GRIN2A: variants seen among roughly 807,000 people sequenced by gnomAD.
The protein encoded by GRIN2A is glutamate receptor ionotropic, NMDA 2A.
A neutral mutation model predicts 113.4 loss-of-function variants in GRIN2A; 22 were observed. That is an observed-to-expected ratio of 0.19 (90% CI 0.14 to 0.28). The LOEUF is 0.28. Ranked by LOEUF, GRIN2A falls within the 10% of genes least tolerant of loss-of-function variation. The pLI, the probability that GRIN2A is intolerant of heterozygous loss-of-function variation, is 1.00. For missense variants in GRIN2A, 1,502 were observed against 1,887.0 expected (o/e 0.80, Z 3.78); for synonymous variants, 827 against 738.4 (o/e 1.12, Z -1.94).
chr16:10,073,398 C>T (rs61224814), intron 2 of GRIN2A, among the ~76,000 whole-genome samples: 21,332 of 152,022 alleles, frequency 0.14, 2,018 homozygotes, highest in African/African-American at 0.27. Context: ...GCTGATATCA[C>T]GCAGGGTTGG....
At chr16:10,001,314 T>C (rs981041951) in intron 2 of GRIN2A, among the ~76,000 whole-genome samples, 1 of 152,204 alleles carries the variant, frequency 6.6e-6, no homozygotes, top group African/African-American at 2.4e-5. Context: ...ATCTACTACC[T>C]GGGTGCATCT....
At chr16:9,927,817 C>A (rs2044498429) in intron 3 of GRIN2A, among the ~76,000 whole-genome samples, 1 of 152,196 alleles carries the variant, frequency 6.6e-6, no homozygotes, top group African/African-American at 2.4e-5. Flanking sequence ...ATTGTTTAAA[C>A]TTCCTCTTAT....
intron 2 of GRIN2A, among the ~76,000 whole-genome samples, chr16:10,159,203 A>G (rs1229345080): frequency 2.0e-5 from 3 of 152,156 alleles, no homozygotes; most frequent in African/African-American, 7.2e-5. Flanking sequence ...AGGGAGCTCA[A>G]TATACATCCG....
intron 3 of GRIN2A, among the ~76,000 whole-genome samples, chr16:9,910,945 T>A (rs1213752204): frequency 6.6e-6 from 1 of 151,862 alleles, no homozygotes; most frequent in Non-Finnish European, 1.5e-5. Flanking sequence ...AGTAAAGACC[T>A]CAGTACCTCT....
chr16:9,980,785 C>T (rs1417602515), intron 2 of GRIN2A, among the ~76,000 whole-genome samples: 3 of 132,596 alleles, frequency 2.3e-5, no homozygotes, highest in Non-Finnish European at 3.0e-5. Context: ...GGGAACTGAA[C>T]AATGAGAACA....
chr16:10,125,195 C>G lies in GRIN2A; in HGVS notation c.414+54803G>C, dbSNP rs1371724793. On this transcript the variant is annotated intron_variant, in intron 2 of 12. Transcript: ENST00000330684. Reference sequence around the variant, plus strand: ...AATCAAGTCCCACAATGTCCTGAAACTATGGAGTCAGAACTTGACCTCTTG... The same window carrying G: ...AATCAAGTCCCACAATGTCCTGAAAGTATGGAGTCAGAACTTGACCTCTTG... Among the ~76,000 whole-genome samples the G allele has an allele frequency of 3.3e-5, 5 of 152,228 alleles. No homozygotes were observed. The East Asian group carries it at 9.6e-4, about 29-fold the overall frequency.
At chr16:9,982,101 CTT>C (rs1354757904) in intron 2 of GRIN2A, among the ~76,000 whole-genome samples, 1 of 152,096 alleles carries the variant, frequency 6.6e-6, no homozygotes, top group Admixed American at 6.6e-5. Context: ...TAATATGACT[CTT>C]GAGACTCTTT....
chr16:10,106,715 T>C (rs922214528), intron 2 of GRIN2A, among the ~76,000 whole-genome samples: 1 of 152,110 alleles, frequency 6.6e-6, no homozygotes, highest in South Asian at 2.1e-4. Flanking sequence ...CCACGGACTT[T>C]GGGGAAGTTG....
chr16:9,971,190 A>G (rs1457102711), intron 2 of GRIN2A, among the ~76,000 whole-genome samples: 1 of 152,222 alleles, frequency 6.6e-6, no homozygotes, highest in African/African-American at 2.4e-5. Context: ...CTCCTCTTGA[A>G]TCTGACCAGC....
At chr16:9,781,483 C>A (rs1901932715) in intron 11 of GRIN2A, among the ~76,000 whole-genome samples, 1 of 152,148 alleles carries the variant, frequency 6.6e-6, no homozygotes, top group African/African-American at 2.4e-5. Context: ...ACCTCAGCTT[C>A]CAAAGTAGCT....
intron 11 of GRIN2A, among the ~76,000 whole-genome samples, chr16:9,785,225 G>A (rs1902164558): frequency 6.6e-6 from 1 of 152,078 alleles, no homozygotes. Context: ...TTAAGAAAAT[G>A]TGGCACATAT....
At chr16:10,157,449 C>T (rs1317894191) in intron 2 of GRIN2A, among the ~76,000 whole-genome samples, 1 of 152,172 alleles carries the variant, frequency 6.6e-6, no homozygotes, top group Non-Finnish European at 1.5e-5. Context: ...AGTCCATTCT[C>T]ACACTGCTAT....
intron 2 of GRIN2A, among the ~76,000 whole-genome samples, chr16:10,107,949 G>C (rs1320778192): frequency 2.6e-5 from 4 of 152,162 alleles, no homozygotes; most frequent in African/African-American, 9.7e-5. Flanking sequence ...TGAAGTTCTG[G>C]GAAAGTACAG....
intron 2 of GRIN2A, among the ~76,000 whole-genome samples, chr16:9,957,828 A>C (rs1316547190): frequency 6.6e-6 from 1 of 152,140 alleles, no homozygotes; most frequent in Non-Finnish European, 1.5e-5. Context: ...TCTTCTATAG[A>C]CTTGGGCAGG....
intron 2 of GRIN2A, among the ~76,000 whole-genome samples, chr16:10,167,878 T>C (rs1243732669): frequency 6.6e-6 from 1 of 152,178 alleles, no homozygotes; most frequent in Admixed American, 6.5e-5. Flanking sequence ...AACAACAGAA[T>C]AGTATCTAGA....
intron 3 of GRIN2A, among the ~76,000 whole-genome samples, chr16:9,904,512 C>A (rs1166768420): frequency 6.6e-6 from 1 of 152,154 alleles, no homozygotes; most frequent in Non-Finnish European, 1.5e-5. Context: ...GCTGGGATTA[C>A]AGGTGTGCAC....
At chr16:9,771,226 T>A (rs1901255096) in intron 11 of GRIN2A, among the ~76,000 whole-genome samples, 1 of 151,972 alleles carries the variant, frequency 6.6e-6, no homozygotes, top group Admixed American at 6.6e-5. Flanking sequence ...CTGAAAACTT[T>A]AAAATACTGT....
At chr16:9,792,850 C>T (rs1567301115) in intron 11 of GRIN2A, among the ~76,000 whole-genome samples, 1 of 152,166 alleles carries the variant, frequency 6.6e-6, no homozygotes, top group Non-Finnish European at 1.5e-5. Flanking sequence ...CCAGGTTTCT[C>T]CTTGCAGCTT....
intron 11 of GRIN2A, among the ~76,000 whole-genome samples, chr16:9,792,951 C>T (rs1205560731): frequency 6.6e-6 from 1 of 152,162 alleles, no homozygotes; most frequent in Non-Finnish European, 1.5e-5. Flanking sequence ...TGTCCATTGG[C>T]TGGTAGCCTC....
Sources: allele counts gnomAD v4.1 joint callset (sites outside exome capture counted in the v4.1 genomes callset), GRCh38; gene constraint gnomAD v4.1.1; transcripts MANE v1.5; gene names NCBI Gene and HGNC (gene_info 2026-07-23, HGNC 2026-07-21).